The following TMX2 variants were observed in gnomAD, a reference collection of about 807,000 sequenced individuals.
The protein encoded by TMX2 is thioredoxin-related transmembrane protein 2.
In TMX2, 20 loss-of-function variants were observed where a neutral mutation model predicts 33.4. The observed-to-expected ratio is 0.60, with a 90% confidence interval of 0.42 to 0.87. The LOEUF is 0.87. TMX2 is among the 40% of genes least tolerant of loss of function. The pLI, the probability that TMX2 is intolerant of heterozygous loss-of-function variation, is 0.00. For missense variants in TMX2, 340 were observed against 370.7 expected, an observed-to-expected ratio of 0.92 and a Z score of 0.68; for synonymous variants, 166 against 140.7, an observed-to-expected ratio of 1.18 and a Z score of -1.27.
At chr11:57,720,519 A>G (rs879813567) in intron 1 of TMX2, among the ~76,000 whole-genome samples, 5 of 152,088 alleles carry the variant, frequency 3.3e-5, no homozygotes, top group South Asian at 2.1e-4. Context: ...TCATACCTCA[A>G]CCTCCTGAGT....
intron 2 of TMX2, 94 bp from the exon 3 acceptor site, chr11:57,737,817 CCT>C: frequency 6.2e-7 from 1 of 1,611,326 alleles, no homozygotes; most frequent in Non-Finnish European, 8.5e-7. Context: ...CTATCCCCTC[CCT>C]GTCTCCTATT....
At chr11:57,713,812 C>T (rs1411720036) in intron 1 of TMX2, among the ~76,000 whole-genome samples, 2 of 152,112 alleles carry the variant, frequency 1.3e-5, no homozygotes, top group Non-Finnish European at 1.5e-5. Flanking sequence ...ATTCAGTGGC[C>T]TGGAGAACAT....
intron 1 of TMX2, among the ~76,000 whole-genome samples, chr11:57,735,399 C>T (rs958948134): frequency 1.1e-4 from 17 of 151,814 alleles, no homozygotes; most frequent in Non-Finnish European, 1.6e-4. Context: ...TTAGTAGAGA[C>T]GGGGTTTTGC....
chr11:57,730,913 G>T (rs1948343000), intron 1 of TMX2, among the ~76,000 whole-genome samples: 1 of 152,024 alleles, frequency 6.6e-6, no homozygotes, highest in Non-Finnish European at 1.5e-5. Flanking sequence ...GTATAATTCG[G>T]TTGGCTATGA....
At chr11:57,735,320 T>C (rs1590967093) in intron 1 of TMX2, among the ~76,000 whole-genome samples, 2 of 151,824 alleles carry the variant, frequency 1.3e-5, no homozygotes, top group African/African-American at 4.8e-5. Context: ...GCGATTCTTC[T>C]GCCTCAGCCT....
chr11:57,731,331 G>A (rs1438281617), intron 1 of TMX2, among the ~76,000 whole-genome samples: 1 of 150,034 alleles, frequency 6.7e-6, no homozygotes, highest in Non-Finnish European at 1.5e-5. Flanking sequence ...ACGGAGTTTT[G>A]CCATGTTGGC....
intron 7 of TMX2, 107 bp from the exon 8 acceptor site, chr11:57,739,992 T>G: frequency 6.6e-7 from 1 of 1,521,640 alleles, no homozygotes; most frequent in South Asian, 1.2e-5. Context: ...TTTTGTCCTT[T>G]GCTTACTCCT....
intron 1 of TMX2, among the ~76,000 whole-genome samples, chr11:57,731,965 A>G (rs968883736): frequency 6.6e-6 from 1 of 152,210 alleles, no homozygotes; most frequent in African/African-American, 2.4e-5. Flanking sequence ...TTGGGGAGAA[A>G]AAGAATCAGA....
At chr11:57,736,726 A>G (rs1007924053) in intron 1 of TMX2, among the ~76,000 whole-genome samples, 1 of 152,014 alleles carries the variant, frequency 6.6e-6, no homozygotes, top group Non-Finnish European at 1.5e-5. Flanking sequence ...GGTCTCTACA[A>G]AAAATACAAA....
At chr11:57,719,335 A>C (rs1947413280) in intron 1 of TMX2, among the ~76,000 whole-genome samples, 1 of 150,648 alleles carries the variant, frequency 6.6e-6, no homozygotes, top group East Asian at 2.0e-4. Context: ...GTGCCTGGCC[A>C]ATTTTTTTAT....
intron 1 of TMX2, among the ~76,000 whole-genome samples, chr11:57,722,658 A>C (rs1947711632): frequency 6.6e-6 from 1 of 152,202 alleles, no homozygotes; most frequent in South Asian, 2.1e-4. Flanking sequence ...ACATTGGTAA[A>C]AGCTAGCTCA....
intron 1 of TMX2, among the ~76,000 whole-genome samples, chr11:57,736,358 A>G (rs1487427644): frequency 6.6e-6 from 1 of 152,076 alleles, no homozygotes; most frequent in African/African-American, 2.4e-5. Flanking sequence ...AAAAAAAATC[A>G]AAAATGTCTC....
intron 1 of TMX2, among the ~76,000 whole-genome samples, chr11:57,733,667 T>A (rs1345564765): frequency 6.6e-6 from 1 of 152,226 alleles, no homozygotes; most frequent in Non-Finnish European, 1.5e-5. Context: ...GGCAAAATGT[T>A]GGTTACTGTT....
At position 57,737,595 on chromosome 11, in the gene TMX2, G is replaced by A. The variant is rs769744023; in HGVS notation, c.190-13G>A. Reference sequence around the variant, plus strand: ...CACTGCATTCCTGTTATAATACTTCGATTCTGTTCCAGAGAGAAGTGGAGA... The same window carrying A: ...CACTGCATTCCTGTTATAATACTTCAATTCTGTTCCAGAGAGAAGTGGAGA... On this transcript the variant is annotated splice_polypyrimidine_tract_variant and intron_variant, in intron 1 of 7. Transcript: ENST00000278422. 20 of 1,612,246 alleles carry A rather than the reference G, an allele frequency of 1.2e-5. No individual in the cohort carries two copies. Among genetic ancestry groups the A allele is most frequent in the Non-Finnish European group, 1.6e-5 (19 of 1,178,550 alleles).
intron 1 of TMX2, among the ~76,000 whole-genome samples, chr11:57,717,746 G>GGGGAGAGGGGAGC (rs765590392): frequency 2.4e-5 from 2 of 84,744 alleles, no homozygotes; most frequent in East Asian, 9.0e-4. Context: ...AGAGGGGAGA[G>GGGGAGAGGGGAGC]GGGAGAGGGA....
chr11:57,713,035 C>G (rs1946731486), intron 1 of TMX2, among the ~76,000 whole-genome samples: 1 of 152,198 alleles, frequency 6.6e-6, no homozygotes, highest in Non-Finnish European at 1.5e-5. Context: ...GGCCCAACAG[C>G]TTTTGACTGT....
Position 57,728,454 on chromosome 11 carries a change from G to C in TMX2, c.190-9154G>C, listed in dbSNP as rs953155988. Among the ~76,000 whole-genome samples the C allele has an allele frequency of 2.0e-5, 3 of 152,142 alleles. No homozygotes were observed. In the East Asian group the frequency reaches 5.8e-4, roughly 29 times the overall value. ...ACCCCAAAGGAGTTGCCCGAGACTG[G>C]AGGTAAGGTACCAGCAGGGGCCCAT... On this transcript the variant is annotated intron_variant, in intron 1 of 7. Coordinates refer to ENST00000278422, the MANE Select transcript of TMX2 (RefSeq NM_015959.4).
In TMX2 at chr11:57,738,852, TG is replaced by T. The variant is rs553508327; in HGVS notation, c.548+84del. The T allele has an allele frequency of 9.0e-6, 14 of 1,548,880 alleles. No homozygotes were observed. In the South Asian group the frequency reaches 1.4e-4, roughly 16 times the overall value. The stretch of plus-strand genomic sequence containing the variant: ...CTGTTTTTGGCTTTTCTTTTTCTTT[TG>T]GCCTTGATTTTCACACATGGTAACC... On this transcript the variant is annotated intron_variant, in intron 5 of 7. Transcript: ENST00000278422.
intron 1 of TMX2, among the ~76,000 whole-genome samples, chr11:57,717,454 A>G (rs1947207076): frequency 6.6e-6 from 1 of 151,834 alleles, no homozygotes; most frequent in African/African-American, 2.4e-5. Flanking sequence ...CAATCCCGGC[A>G]CCTCGGGAGG....
Sources: allele counts gnomAD v4.1 joint callset (sites outside exome capture counted in the v4.1 genomes callset), GRCh38; gene constraint gnomAD v4.1.1; transcripts MANE v1.5; gene names NCBI Gene and HGNC (gene_info 2026-07-23, HGNC 2026-07-21).